The following PBX3 variants were observed in gnomAD, a reference collection of about 807,000 sequenced individuals.
PBX3 encodes pre-B-cell leukemia transcription factor 3.
PBX3 carries 14 observed loss-of-function variants against 48.5 expected under a neutral mutation model. The ratio of observed to expected loss-of-function variants is 0.29; its 90% CI spans 0.19 to 0.45. PBX3 has a LOEUF of 0.45. Among genes scored for constraint, PBX3 ranks in the 20% least tolerant of loss-of-function variants. The pLI, the probability that PBX3 is intolerant of heterozygous loss-of-function variation, is 1.00. For missense variants in PBX3, 386 were observed against 546.7 expected (o/e 0.71, Z 2.93); for synonymous variants, 210 against 200.3 (o/e 1.05, Z -0.41).
chr9:125,915,129 ATG>A (rs1339300424), intron 2 of PBX3, among the ~76,000 whole-genome samples: 1 of 152,164 alleles, frequency 6.6e-6, no homozygotes, highest in African/African-American at 2.4e-5. Flanking sequence ...TTACCTCATA[ATG>A]TGTGTATTCC....
intron 4 of PBX3, among the ~76,000 whole-genome samples, chr9:125,930,908 C>T (rs563946038): frequency 6.6e-6 from 1 of 152,344 alleles, no homozygotes; most frequent in South Asian, 2.1e-4. Flanking sequence ...TTCACATATA[C>T]ACTCCTTAAC....
intron 2 of PBX3, among the ~76,000 whole-genome samples, chr9:125,850,013 C>T (rs1588216970): frequency 6.6e-6 from 1 of 151,914 alleles, no homozygotes; most frequent in African/African-American, 2.4e-5. Context: ...TCCAAAGAAA[C>T]CATCAGGCTT....
At chr9:125,927,117 A>T (rs1356571996) in intron 3 of PBX3, among the ~76,000 whole-genome samples, 1 of 152,252 alleles carries the variant, frequency 6.6e-6, no homozygotes, top group Non-Finnish European at 1.5e-5. Flanking sequence ...TTGACTGCAG[A>T]TTAAGAATTC....
At chr9:125,874,223 C>T in intron 2 of PBX3, among the ~76,000 whole-genome samples, 1 of 152,072 alleles carries the variant, frequency 6.6e-6, no homozygotes, top group East Asian at 1.9e-4. Flanking sequence ...ATAAAGAGAA[C>T]ATCAGGACCA....
chr9:125,935,825 T>C (rs1019750104), intron 5 of PBX3, among the ~76,000 whole-genome samples: 17 of 152,182 alleles, frequency 1.1e-4, no homozygotes, highest in African/African-American at 3.9e-4. Flanking sequence ...ACCACCCCCA[T>C]TCCCCAGTGT....
At chr9:125,942,578 T>C (rs1272168935) in intron 5 of PBX3, among the ~76,000 whole-genome samples, 3 of 152,240 alleles carry the variant, frequency 2.0e-5, no homozygotes, top group African/African-American at 4.8e-5. Context: ...GTACTTTTTT[T>C]CAGCTATACA....
At chr9:125,800,608 G>C (rs947608373) in intron 2 of PBX3, among the ~76,000 whole-genome samples, 1 of 152,084 alleles carries the variant, frequency 6.6e-6, no homozygotes, top group South Asian at 2.1e-4. Flanking sequence ...GCTGCTAGTG[G>C]AGAGAATTTC....
At chr9:125,848,456 C>CT (rs1479703019) in intron 2 of PBX3, among the ~76,000 whole-genome samples, 1 of 151,792 alleles carries the variant, frequency 6.6e-6, no homozygotes, top group Non-Finnish European at 1.5e-5. Flanking sequence ...ATACTACTTC[C>CT]TTTTTTCTCC....
chr9:125,945,041 G>C (rs929360662), intron 5 of PBX3, among the ~76,000 whole-genome samples: 61 of 152,012 alleles, frequency 4.0e-4, no homozygotes, highest in Admixed American at 1.3e-4. Context: ...TGGCCAACAT[G>C]GTGAAACCCT....
In PBX3 at chr9:125,929,635, A is replaced by AT. The variant is rs5900678; in HGVS notation, c.517-11dup. The AT allele has an allele frequency of 0.014, 21,539 of 1,548,566 alleles. 1,014 individuals carry two copies. The East Asian group carries it at 0.16, about 12-fold the overall frequency. Reference sequence around the variant, plus strand: ...ATAGTAGATAGTTTCCAAAGGAGTGATTTTTTTTTCCCATTACAGGCATGT... The same window carrying AT: ...ATAGTAGATAGTTTCCAAAGGAGTGATTTTTTTTTTCCCATTACAGGCATGT... On this transcript the variant is annotated intron_variant, in intron 3 of 8. Transcript: ENST00000373489.
At chr9:125,768,138 G>A (rs573059790) in intron 2 of PBX3, among the ~76,000 whole-genome samples, 55 of 152,040 alleles carry the variant, frequency 3.6e-4, no homozygotes, top group African/African-American at 1.3e-3. Flanking sequence ...GTGGTGGGGG[G>A]CAAGTTTGTC....
At chr9:125,903,945 A>G (rs890012498) in intron 2 of PBX3, among the ~76,000 whole-genome samples, 1 of 151,790 alleles carries the variant, frequency 6.6e-6, no homozygotes, top group Non-Finnish European at 1.5e-5. Context: ...CCTCAGTTTC[A>G]TGATAATTAA....
intron 2 of PBX3, among the ~76,000 whole-genome samples, chr9:125,764,408 G>A (rs991454757): frequency 6.6e-6 from 1 of 152,100 alleles, no homozygotes; most frequent in Non-Finnish European, 1.5e-5. Context: ...TTTTGGATCC[G>A]ACAGGAAGAC....
At chr9:125,848,561 T>C (rs1839493070) in intron 2 of PBX3, among the ~76,000 whole-genome samples, 1 of 152,078 alleles carries the variant, frequency 6.6e-6, no homozygotes, top group East Asian at 1.9e-4. Flanking sequence ...AACATTGTTA[T>C]GGTCAGTAGC....
intron 2 of PBX3, among the ~76,000 whole-genome samples, chr9:125,782,669 C>T (rs994957622): frequency 2.0e-5 from 3 of 152,068 alleles, no homozygotes. Context: ...TTCATAGTTT[C>T]GACTTACTGT....
chr9:125,780,238 G>A (rs1157057058), intron 2 of PBX3, among the ~76,000 whole-genome samples: 3 of 135,598 alleles, frequency 2.2e-5, no homozygotes, highest in South Asian at 2.4e-4. Flanking sequence ...CCGGGCGGGG[G>A]GCTGAGCCCC....
At chr9:125,775,677 A>G (rs1314805544) in intron 2 of PBX3, among the ~76,000 whole-genome samples, 5 of 152,216 alleles carry the variant, frequency 3.3e-5, no homozygotes, top group Non-Finnish European at 7.4e-5. Flanking sequence ...TCAGAAAGTG[A>G]TGATGTATTA....
At chr9:125,882,898 TATTTGAA>T (rs1340570269) in intron 2 of PBX3, among the ~76,000 whole-genome samples, 1 of 152,234 alleles carries the variant, frequency 6.6e-6, no homozygotes, top group Non-Finnish European at 1.5e-5. Context: ...TGAAATGATG[TATTTGAA>T]AAGTTGTTGT....
chr9:125,915,988 T>A, intron 3 of PBX3, 61 bp downstream of exon 3: 1 of 1,581,016 alleles, frequency 6.3e-7, no homozygotes, highest in Non-Finnish European at 8.6e-7. Flanking sequence ...TATTAGACCA[T>A]GCTAACCAAT....
Sources: gnomAD v4.1 joint callset for allele counts (sites outside exome capture counted in the v4.1 genomes callset) on GRCh38, gnomAD v4.1.1 for gene constraint, MANE v1.5 for transcripts, NCBI Gene and HGNC (gene_info 2026-07-23, HGNC 2026-07-21) for gene names.